The following HECW2 variants were observed in gnomAD, a reference collection of about 807,000 sequenced individuals.
HECW2 encodes E3 ubiquitin-protein ligase HECW2.
Under a neutral mutation model 175.2 loss-of-function variants are expected in HECW2, and 61 were observed. The observed-to-expected ratio is 0.35, with a 90% CI of 0.28 to 0.43. The LOEUF is 0.43. Among genes scored for constraint, HECW2 ranks in the 20% least tolerant of loss-of-function variants. HECW2 has a pLI of 1.00. For synonymous variants in HECW2, 671 were observed against 731.0 expected (o/e 0.92, Z 1.32); for missense variants, 1,524 against 2,000.5 (o/e 0.76, Z 4.54).
In HECW2 at chr2:196,320,218, C is replaced by G. The variant is rs553172252; in HGVS notation, c.985+121G>C. On this transcript the variant is annotated intron_variant, in intron 8 of 28. Coordinates refer to ENST00000644978, the MANE Select transcript of HECW2 (RefSeq NM_001348768.2). ...ATTTCAGCAGGTAATTATTTGACAG[C>G]TATTTTACTTTCAAAACAGAACATG... 14 of 682,424 alleles carry G rather than the reference C, an allele frequency of 2.1e-5. No homozygotes were observed. The Admixed American group carries it at 3.9e-4, about 19-fold the overall frequency. 42.3% of individuals were successfully genotyped at this position (682,424 alleles called of 1,614,324 possible).
intron 1 of HECW2, among the ~76,000 whole-genome samples, chr2:196,492,699 T>TG (rs969343803): frequency 6.6e-6 from 1 of 152,098 alleles, no homozygotes; most frequent in African/African-American, 2.4e-5. Context: ...AAAGAAAATT[T>TG]GGGGGGAAAA....
intron 1 of HECW2, among the ~76,000 whole-genome samples, chr2:196,508,524 G>C (rs1024719220): frequency 2.6e-5 from 4 of 152,248 alleles, no homozygotes; most frequent in African/African-American, 9.6e-5. Context: ...AGTGTGTGCA[G>C]AGAGTTGTGT....
chr2:196,445,826 C>T (rs2125298572), intron 1 of HECW2, among the ~76,000 whole-genome samples: 1 of 152,290 alleles, frequency 6.6e-6, no homozygotes, highest in South Asian at 2.1e-4. Flanking sequence ...CATTCTAGGC[C>T]ATACAATACA....
At chr2:196,374,068 T>C (rs545868612) in intron 2 of HECW2, among the ~76,000 whole-genome samples, 46 of 150,340 alleles carry the variant, frequency 3.1e-4, no homozygotes, top group Admixed American at 2.9e-3. Context: ...TAAATAAATA[T>C]GTGCCACCAA....
chr2:196,313,230 G>C (rs1691565533), intron 10 of HECW2, among the ~76,000 whole-genome samples: 1 of 152,150 alleles, frequency 6.6e-6, no homozygotes, highest in Non-Finnish European at 1.5e-5. Flanking sequence ...TTTTCAGAGG[G>C]GCTGGGCTGG....
chr2:196,307,794 G>T, intron 11 of HECW2, 141 bp downstream of exon 11: 1 of 696,952 alleles, frequency 1.4e-6, no homozygotes, highest in Non-Finnish European at 2.2e-6. Flanking sequence ...ATTGAAGTCT[G>T]GGAATCAAAA....
intron 10 of HECW2, among the ~76,000 whole-genome samples, chr2:196,313,823 G>A (rs1691589963): frequency 6.6e-6 from 1 of 152,174 alleles, no homozygotes; most frequent in South Asian, 2.1e-4. Context: ...AGGCCAAGGT[G>A]GGAGGATTGC....
chr2:196,260,973 T>A (rs1689266731), intron 17 of HECW2, among the ~76,000 whole-genome samples: 1 of 152,168 alleles, frequency 6.6e-6, no homozygotes. Context: ...TATGACTGAA[T>A]CTTGCCATAT....
chr2:196,519,424 A>G (rs1470369066), intron 1 of HECW2, among the ~76,000 whole-genome samples: 1 of 152,262 alleles, frequency 6.6e-6, no homozygotes, highest in Non-Finnish European at 1.5e-5. Context: ...TGCTTCAGCT[A>G]TAATATCAGC....
intron 14 of HECW2, among the ~76,000 whole-genome samples, chr2:196,279,389 T>C (rs1412941487): frequency 6.6e-6 from 1 of 152,140 alleles, no homozygotes; most frequent in African/African-American, 2.4e-5. Context: ...TTCTTCCTTC[T>C]CCTATACAGT....
chr2:196,438,333 G>A (rs1009542867), intron 1 of HECW2, among the ~76,000 whole-genome samples: 6 of 152,238 alleles, frequency 3.9e-5, no homozygotes, highest in Admixed American at 3.9e-4. Context: ...ACATAAAACA[G>A]ATGAAAATTT....
intron 10 of HECW2, chr2:196,316,297 C>T (rs1025862377): frequency 1.3e-5 from 2 of 152,216 alleles, no homozygotes; most frequent in African/African-American, 4.8e-5. Context: ...TACCATTCAG[C>T]TCTTTTGTCA....
intron 1 of HECW2, among the ~76,000 whole-genome samples, chr2:196,571,801 A>C (rs893146814): frequency 3.3e-5 from 5 of 152,238 alleles, no homozygotes; most frequent in African/African-American, 1.2e-4. Flanking sequence ...AAAAGAATTG[A>C]AAGCAAGGTC....
intron 2 of HECW2, among the ~76,000 whole-genome samples, chr2:196,354,902 C>T (rs1013124685): frequency 9.9e-5 from 15 of 152,192 alleles, no homozygotes; most frequent in Admixed American, 5.9e-4. Context: ...TAACCAGTTT[C>T]GAGTAAGGCC....
At chr2:196,295,221 T>C (rs769751068) in intron 13 of HECW2, among the ~76,000 whole-genome samples, 2 of 152,094 alleles carry the variant, frequency 1.3e-5, no homozygotes, top group African/African-American at 2.4e-5. Flanking sequence ...TCTGGGCAAT[T>C]AGAGAGCATG....
chr2:196,562,053 C>T (rs546009479), intron 1 of HECW2, among the ~76,000 whole-genome samples: 13 of 152,152 alleles, frequency 8.5e-5, no homozygotes, highest in Admixed American at 2.6e-4. Flanking sequence ...ATTTAGATGT[C>T]GGCATGGTAT....
At chr2:196,572,648 T>C (rs752247624) in intron 1 of HECW2, among the ~76,000 whole-genome samples, 2 of 152,228 alleles carry the variant, frequency 1.3e-5, no homozygotes, top group Non-Finnish European at 2.9e-5. Context: ...AAATTCATGT[T>C]GAAACCCTAC....
chr2:196,443,399 C>T (rs776236273), intron 1 of HECW2, among the ~76,000 whole-genome samples: 16 of 152,164 alleles, frequency 1.1e-4, no homozygotes, highest in Non-Finnish European at 1.6e-4. Flanking sequence ...ACATCTCTTA[C>T]TCATTTATCT....
At chr2:196,507,176 T>TACACACACTAACACGTGTATATTAC (rs1687790963) in intron 1 of HECW2, among the ~76,000 whole-genome samples, 2 of 151,368 alleles carry the variant, frequency 1.3e-5, no homozygotes, top group South Asian at 4.2e-4. Context: ...ATGTGTATAT[T>TACACACACTAACACGTGTATATTAC]ACACACACTA....
Sources: allele counts gnomAD v4.1 joint callset (sites outside exome capture counted in the v4.1 genomes callset), GRCh38; gene constraint gnomAD v4.1.1; transcripts MANE v1.5; gene names NCBI Gene and HGNC (gene_info 2026-07-23, HGNC 2026-07-21).